The following ETV6 variants were observed in gnomAD, a reference collection of about 807,000 sequenced individuals.
The protein encoded by ETV6 is ETS variant transcription factor 6, also known as transcription factor ETV6.
In ETV6, 16 loss-of-function variants were observed where a neutral mutation model predicts 51.1. The observed-to-expected ratio is 0.31, with a 90% CI of 0.21 to 0.48. The LOEUF (loss-of-function observed/expected upper bound fraction) is 0.48. Among genes scored for constraint, ETV6 ranks in the 20% least tolerant of loss-of-function variants. The probability of loss-of-function intolerance (pLI) is 0.99; values close to 1 mark genes in which losing one functional copy is unlikely to be tolerated. For synonymous variants in ETV6, 240 were observed against 224.1 expected, an observed-to-expected ratio of 1.07 and a Z score of -0.64; for missense variants, 458 against 594.8, an observed-to-expected ratio of 0.77 and a Z score of 2.39.
At chr12:11,743,538 G>C (rs1865850059) in intron 1 of ETV6, among the ~76,000 whole-genome samples, 1 of 152,122 alleles carries the variant, frequency 6.6e-6, no homozygotes, top group South Asian at 2.1e-4. Flanking sequence ...CCTAGAGCCT[G>C]GGCCAGCAGT....
At chr12:11,773,560 A>G (rs1228158996) in intron 2 of ETV6, among the ~76,000 whole-genome samples, 1 of 152,256 alleles carries the variant, frequency 6.6e-6, no homozygotes, top group Non-Finnish European at 1.5e-5. Context: ...TCTGCTTATA[A>G]GGAAGAGATC....
At chr12:11,741,208 A>C (rs571960616) in intron 1 of ETV6, among the ~76,000 whole-genome samples, 3 of 152,176 alleles carry the variant, frequency 2.0e-5, no homozygotes, top group Non-Finnish European at 4.4e-5. Flanking sequence ...TAAGGAAAAA[A>C]ATGTGTCCCA....
chr12:11,822,285 G>T (rs1946093092), intron 2 of ETV6, among the ~76,000 whole-genome samples: 1 of 152,180 alleles, frequency 6.6e-6, no homozygotes, highest in Non-Finnish European at 1.5e-5. Context: ...GTAGTGATGG[G>T]AATTCCCCTG....
intron 6 of ETV6, among the ~76,000 whole-genome samples, 185 bp from the exon 7 acceptor site, chr12:11,885,741 A>C (rs1032024456): frequency 1.3e-5 from 2 of 152,242 alleles, no homozygotes; most frequent in African/African-American, 4.8e-5. Flanking sequence ...GTGAATATAA[A>C]AAGCTAAAGG....
chr12:11,881,342 G>A (rs1947089621), intron 5 of ETV6, among the ~76,000 whole-genome samples: 1 of 152,226 alleles, frequency 6.6e-6, no homozygotes, highest in Admixed American at 6.5e-5. Flanking sequence ...CCATTTGATA[G>A]TAGGACAAAT....
At chr12:11,685,738 T>A (rs1027557334) in intron 1 of ETV6, among the ~76,000 whole-genome samples, 4 of 152,224 alleles carry the variant, frequency 2.6e-5, no homozygotes, top group Non-Finnish European at 5.9e-5. Flanking sequence ...CTTGTCTTAA[T>A]CTTTTCTGTA....
chr12:11,689,257 G>A (rs912063031), intron 1 of ETV6, among the ~76,000 whole-genome samples: 3 of 152,078 alleles, frequency 2.0e-5, no homozygotes. Context: ...TATGCTGTTA[G>A]GGGATCTCTG....
intron 2 of ETV6, among the ~76,000 whole-genome samples, chr12:11,832,913 C>T (rs966128521): frequency 5.3e-5 from 8 of 152,206 alleles, no homozygotes; most frequent in Admixed American, 1.3e-4. Flanking sequence ...CAGCCCTATA[C>T]GATCTGCACT....
At chr12:11,878,204 G>T (rs968998514) in intron 5 of ETV6, among the ~76,000 whole-genome samples, 2 of 152,190 alleles carry the variant, frequency 1.3e-5, no homozygotes, top group African/African-American at 4.8e-5. Context: ...CTGAGTCACT[G>T]CATTTGATTT....
At chr12:11,664,484 C>T (rs1365085027) in intron 1 of ETV6, among the ~76,000 whole-genome samples, 2 of 151,984 alleles carry the variant, frequency 1.3e-5, no homozygotes, top group African/African-American at 2.4e-5. Context: ...AACCAGGATA[C>T]GAACCACAGG....
At chr12:11,731,980 C>G (rs1865608621) in intron 1 of ETV6, among the ~76,000 whole-genome samples, 1 of 152,190 alleles carries the variant, frequency 6.6e-6, no homozygotes, top group African/African-American at 2.4e-5. Flanking sequence ...CCTTCAGTCC[C>G]AGACAAACCA....
intron 1 of ETV6, among the ~76,000 whole-genome samples, chr12:11,739,843 C>A (rs773202332): frequency 4.6e-5 from 7 of 152,128 alleles, no homozygotes; most frequent in Non-Finnish European, 8.8e-5. Context: ...TGGGACAGTG[C>A]GAGTCTAGAC....
At position 11,892,913 on chromosome 12, in the gene ETV6, C is replaced by G. The variant is rs1028404177; in HGVS notation, c.*1867C>G. On this transcript the variant is annotated 3_prime_UTR_variant, in exon 8 of 8. Transcript: ENST00000396373. ...GATCAAGGCTCTCTTCAGCCTTGCT[C>G]TGTCCCTGCCTCTTATCAGAGCACA... The G allele has an allele frequency of 3.4e-5, 8 of 233,044 alleles. No homozygotes were observed. Among genetic ancestry groups the G allele is most frequent in the Admixed American group, 3.4e-4 (6 of 17,780 alleles). 14.4% of individuals were successfully genotyped at this position (233,044 alleles called of 1,614,324 possible).
chr12:11,705,204 C>T (rs187076289), intron 1 of ETV6, among the ~76,000 whole-genome samples: 1 of 152,304 alleles, frequency 6.6e-6, no homozygotes, highest in Non-Finnish European at 1.5e-5. Context: ...AGACACATAA[C>T]GTCATCTAAA....
chr12:11,813,927 A>G (rs1462135406), intron 2 of ETV6, among the ~76,000 whole-genome samples: 1 of 152,248 alleles, frequency 6.6e-6, no homozygotes, highest in African/African-American at 2.4e-5. Flanking sequence ...GATTTTTTCC[A>G]GGGAGTATCA....
At chr12:11,808,745 A>G (rs1038418667) in intron 2 of ETV6, among the ~76,000 whole-genome samples, 3 of 152,242 alleles carry the variant, frequency 2.0e-5, no homozygotes, top group Non-Finnish European at 2.9e-5. Context: ...ATAGCAGGCT[A>G]TAAAGTACTG....
intron 1 of ETV6, among the ~76,000 whole-genome samples, chr12:11,699,887 TAA>T (rs1864946668): frequency 6.6e-6 from 1 of 152,202 alleles, no homozygotes; most frequent in East Asian, 1.9e-4. Flanking sequence ...CTTCCTTCAT[TAA>T]ACTGTTATGA....
chr12:11,853,297 G>A (rs918107569), intron 3 of ETV6, 130 bp from the exon 4 acceptor site: 8 of 966,566 alleles, frequency 8.3e-6, no homozygotes, highest in Admixed American at 1.9e-5. Context: ...AGCTTGGTGA[G>A]GGTAGGAGGT....
intron 1 of ETV6, among the ~76,000 whole-genome samples, chr12:11,715,188 T>A (rs1028312668): frequency 4.6e-5 from 7 of 152,224 alleles, no homozygotes; most frequent in African/African-American, 1.7e-4. Context: ...TACGGAAATA[T>A]AGGCTATTTC....
Sources: gnomAD v4.1 joint callset for allele counts (sites outside exome capture counted in the v4.1 genomes callset) on GRCh38, gnomAD v4.1.1 for gene constraint, MANE v1.5 for transcripts, NCBI Gene and HGNC (gene_info 2026-07-23, HGNC 2026-07-21) for gene names.